The following ZBTB16 variants were observed in gnomAD, a reference collection of about 807,000 sequenced individuals.
The protein encoded by ZBTB16 is zinc finger and BTB domain containing 16.
In ZBTB16, 8 loss-of-function variants were observed where a neutral mutation model predicts 56.8. The ratio of observed to expected loss-of-function variants is 0.14; its 90% CI spans 0.08 to 0.25. The LOEUF (loss-of-function observed/expected upper bound fraction) is 0.25. ZBTB16 is among the 10% of genes least tolerant of loss of function. The pLI is 1.00. For synonymous variants in ZBTB16, 363 were observed against 368.5 expected (o/e 0.98, Z 0.17); for missense variants, 625 against 903.0 (o/e 0.69, Z 3.95).
intron 4 of ZBTB16, among the ~76,000 whole-genome samples, chr11:114,207,816 G>T (rs1233172872): frequency 3.3e-5 from 5 of 152,206 alleles, no homozygotes. Context: ...GTTTCACTAT[G>T]TTGACCAGGC....
intron 2 of ZBTB16, among the ~76,000 whole-genome samples, chr11:114,108,414 T>C (rs539693416): frequency 6.3e-4 from 96 of 152,324 alleles, no homozygotes; most frequent in African/African-American, 2.2e-3. Flanking sequence ...GTAGTCACAG[T>C]ATCTAATTTT....
At chr11:114,164,341 A>G (rs768032025) in intron 3 of ZBTB16, among the ~76,000 whole-genome samples, 1 of 152,174 alleles carries the variant, frequency 6.6e-6, no homozygotes, top group Non-Finnish European at 1.5e-5. Context: ...TCATGCCACC[A>G]CATGATTTTG....
intron 4 of ZBTB16, among the ~76,000 whole-genome samples, chr11:114,217,965 G>A (rs777442418): frequency 3.8e-4 from 58 of 152,180 alleles, no homozygotes; most frequent in African/African-American, 1.3e-3. Context: ...GGTGAGGAGC[G>A]CTCTCCTGGC....
At chr11:114,114,935 G>A (rs1460741910) in intron 2 of ZBTB16, among the ~76,000 whole-genome samples, 1 of 151,968 alleles carries the variant, frequency 6.6e-6, no homozygotes, top group Non-Finnish European at 1.5e-5. Flanking sequence ...CTCCCGCCTC[G>A]GCCTCCCAAA....
At chr11:114,090,908 T>C (rs982981373) in intron 2 of ZBTB16, among the ~76,000 whole-genome samples, 4 of 152,256 alleles carry the variant, frequency 2.6e-5, no homozygotes, top group East Asian at 3.8e-4. Context: ...TTTCCACTTA[T>C]TTATTTTCCC....
At chr11:114,207,881 T>A (rs1943918540) in intron 4 of ZBTB16, among the ~76,000 whole-genome samples, 1 of 152,252 alleles carries the variant, frequency 6.6e-6, no homozygotes, top group African/African-American at 2.4e-5. Flanking sequence ...CCCAAAGTGC[T>A]GGGATTACAG....
At chr11:114,205,360 A>G (rs1455088087) in intron 4 of ZBTB16, among the ~76,000 whole-genome samples, 2 of 151,610 alleles carry the variant, frequency 1.3e-5, no homozygotes, top group Admixed American at 1.3e-4. Context: ...CAGTGAGCCG[A>G]GATCGCGCCA....
intron 2 of ZBTB16, among the ~76,000 whole-genome samples, chr11:114,136,058 G>T (rs76006344): frequency 0.014 from 2,090 of 152,242 alleles, 60 homozygotes; most frequent in African/African-American, 0.045. Flanking sequence ...GAGTAAAGGA[G>T]GAGGGTTGCA....
chr11:114,071,423 T>C (rs994635721), intron 2 of ZBTB16, among the ~76,000 whole-genome samples: 1 of 152,178 alleles, frequency 6.6e-6, no homozygotes, highest in Admixed American at 6.5e-5. Flanking sequence ...CACTATTGGA[T>C]GGAGCCGCTA....
At chr11:114,120,904 C>T (rs1264452462) in intron 2 of ZBTB16, among the ~76,000 whole-genome samples, 2 of 152,172 alleles carry the variant, frequency 1.3e-5, no homozygotes, top group Non-Finnish European at 2.9e-5. Context: ...ACTCTGTGTT[C>T]CCTCTCCTGG....
rs1226025316 is a variant in ZBTB16, at chr11:114,250,785, G to A, written c.*230G>A. 6.8e-6 allele frequency: 4 copies of A among 584,350 alleles called. No homozygotes were observed. Among genetic ancestry groups the A allele is most frequent in the South Asian group, 4.1e-5 (2 of 49,198 alleles). 36.2% of individuals were successfully genotyped at this position (584,350 alleles called of 1,614,324 possible). ...ACCCTCCTCTCCCGGCTGGAGGTTTGCCTGATTTTCTGGGATGGGGTTGGG... is the reference window on the plus strand; with the variant it reads ...ACCCTCCTCTCCCGGCTGGAGGTTTACCTGATTTTCTGGGATGGGGTTGGG... On this transcript the variant is annotated 3_prime_UTR_variant, in exon 7 of 7. Coordinates refer to ENST00000335953, the MANE Select transcript of ZBTB16 (RefSeq NM_006006.6). This position sits in a 1 kb window ranked among gnomAD's most constrained non-coding sequence, Gnocchi z 6.0.
chr11:114,214,366 A>T lies in ZBTB16; in HGVS notation c.1453+27328A>T, dbSNP rs2135136776. 2.0e-5 allele frequency among the ~76,000 whole-genome samples: 3 copies of T among 152,316 alleles called. No individual in the cohort carries two copies. The South Asian group carries it at 6.2e-4, about 32-fold the overall frequency. ...TGTGAAGTTTTTTGAAAATGATATT[A>T]ATAACTGTGATAGTTATTTGTGAAG... On this transcript the variant is annotated intron_variant, in intron 4 of 6. Transcript: ENST00000335953.
intron 4 of ZBTB16, among the ~76,000 whole-genome samples, chr11:114,197,488 C>T (rs1943636731): frequency 6.6e-6 from 1 of 152,110 alleles, no homozygotes; most frequent in Admixed American, 6.5e-5. Flanking sequence ...GTGTGGCCTC[C>T]CCCTTTGGAG....
rs550548803 is a variant in ZBTB16, at chr11:114,176,230, C to T, written c.1367-10722C>T. On this transcript the variant is annotated intron_variant, in intron 3 of 6. Coordinates refer to ENST00000335953, the MANE Select transcript of ZBTB16 (RefSeq NM_006006.6). ...CTCCTGAGAATCCCCAAGGGGAGAC[C>T]TGGGAGGAGGGTGATTGTTGGTGTT... 3.3e-5 allele frequency among the ~76,000 whole-genome samples: 5 copies of T among 152,202 alleles called. No homozygotes were observed. In the South Asian group the frequency reaches 1.0e-3, roughly 32 times the overall value.
chr11:114,167,386 G>T (rs7102365), intron 3 of ZBTB16, among the ~76,000 whole-genome samples: 2,090 of 93,432 alleles, frequency 0.022, 56 homozygotes, highest in African/African-American at 0.069. Context: ...GAGTTTTTTT[G>T]TTTTTTTTTT....
intron 3 of ZBTB16, among the ~76,000 whole-genome samples, chr11:114,159,940 G>GGC (rs200300651): frequency 2.7e-5 from 4 of 148,164 alleles, no homozygotes; most frequent in Admixed American, 1.3e-4. Context: ...GGGGAGGCGG[G>GGC]GGGGAGGCGA....
At chr11:114,089,571 A>G (rs529439742) in intron 2 of ZBTB16, among the ~76,000 whole-genome samples, 1 of 152,300 alleles carries the variant, frequency 6.6e-6, no homozygotes, top group East Asian at 1.9e-4. Context: ...GGGGCAGAAT[A>G]TCAGTCCTCT....
chr11:114,075,641 A>G (rs935783194), intron 2 of ZBTB16, among the ~76,000 whole-genome samples: 24 of 133,388 alleles, frequency 1.8e-4, no homozygotes, highest in Middle Eastern at 8.3e-3. Flanking sequence ...ATATATATAT[A>G]TATATATTTA....
At chr11:114,112,441 T>C (rs1565631535) in intron 2 of ZBTB16, among the ~76,000 whole-genome samples, 1 of 151,952 alleles carries the variant, frequency 6.6e-6, no homozygotes, top group Non-Finnish European at 1.5e-5. Flanking sequence ...AAGGGAGGGA[T>C]AGAGAGGGCA....
Sources: gnomAD v4.1 joint callset for allele counts (sites outside exome capture counted in the v4.1 genomes callset) on GRCh38, gnomAD v4.1.1 for gene constraint, Gnocchi (gnomAD v3.1) non-coding constraint, MANE v1.5 for transcripts, NCBI Gene and HGNC (gene_info 2026-07-23, HGNC 2026-07-21) for gene names.